TYW1: variants seen among roughly 807,000 people sequenced by gnomAD.
The protein encoded by TYW1 is tRNA-yW synthesizing protein 1 homolog, also known as S-adenosyl-L-methionine-dependent tRNA 4-demethylwyosine synthase TYW1.
In TYW1, 46 loss-of-function variants were observed where a neutral mutation model predicts 96.2. The ratio of observed to expected loss-of-function variants is 0.48; its 90% confidence interval spans 0.38 to 0.61. TYW1 has a LOEUF of 0.61. Ranked by LOEUF, TYW1 falls within the 20% of genes least tolerant of loss-of-function variation. TYW1 has a pLI of 0.00. For missense variants in TYW1, 684 were observed against 909.6 expected, an observed-to-expected ratio of 0.75 and a Z score of 3.19; for synonymous variants, 274 against 323.0, an observed-to-expected ratio of 0.85 and a Z score of 1.63.
intron 13 of TYW1, among the ~76,000 whole-genome samples, chr7:67,128,584 G>A (rs1203075109): frequency 6.6e-6 from 1 of 151,980 alleles, no homozygotes. Flanking sequence ...GTCACTGAAC[G>A]TGATATCCTG....
intron 7 of TYW1, among the ~76,000 whole-genome samples, chr7:67,042,326 C>G (rs1349334827): frequency 6.8e-6 from 1 of 146,010 alleles, no homozygotes; most frequent in Admixed American, 7.0e-5. Flanking sequence ...CTCCCTCCCT[C>G]TGTAGTACTA....
chr7:67,011,544 A>G (rs879358338), intron 4 of TYW1, among the ~76,000 whole-genome samples: 3 of 152,178 alleles, frequency 2.0e-5, no homozygotes, highest in Non-Finnish European at 2.9e-5. Flanking sequence ...TAGAGCTTAA[A>G]CAGTGCTCCT....
chr7:67,058,338 A>G (rs1343379860), intron 9 of TYW1, among the ~76,000 whole-genome samples: 1 of 152,240 alleles, frequency 6.6e-6, no homozygotes, highest in East Asian at 1.9e-4. Flanking sequence ...CAGAAGTTAT[A>G]TAAACATATT....
At chr7:67,179,863 ATATT>A (rs1799781832) in intron 13 of TYW1, among the ~76,000 whole-genome samples, 1 of 75,142 alleles carries the variant, frequency 1.3e-5, no homozygotes. Flanking sequence ...ATATATATAT[ATATT>A]TTTTTTTTTT....
In TYW1 at chr7:67,029,407, G is replaced by GTATA. The variant is rs1453768398; in HGVS notation, c.984+4386_984+4387insATAT. Among the ~76,000 whole-genome samples the GTATA allele has an allele frequency of 7.4e-3, 713 of 96,194 alleles. 6 individuals carry two copies. The highest frequency in any genetic ancestry group is 0.024 in the African/African-American group (603 of 25,576). The allele number at this position is 96,194 out of a possible 152,430, so 63.1% of individuals were successfully genotyped here. On this transcript the variant is annotated intron_variant, in intron 7 of 15. Transcript: ENST00000359626. ...CGTGTGTGTGTGTGTGTGTGTGTGT[G>GTATA]TGTGTGTGTATATATATATATATAT...
chr7:67,177,523 G>A (rs1430088517), intron 13 of TYW1, among the ~76,000 whole-genome samples: 1 of 152,078 alleles, frequency 6.6e-6, no homozygotes, highest in Non-Finnish European at 1.5e-5. Context: ...TTGGAAAAAA[G>A]ACAAATATTC....
Position 67,183,095 on chromosome 7 carries a change from A to G in TYW1, c.1699-31A>G, listed in dbSNP as rs200770817. 35 of 1,575,344 alleles carry G rather than the reference A, an allele frequency of 2.2e-5. No individual in the cohort carries two copies. In the East Asian group the frequency reaches 7.9e-4, roughly 35 times the overall value. On this transcript the variant is annotated intron_variant, in intron 13 of 15. Coordinates refer to ENST00000359626, the MANE Select transcript of TYW1 (RefSeq NM_018264.4). ...GTTAAGAGGTGACGTCCACCAAGATAACAACGAACTTGGCTTTTCCTTTGT... is the reference window on the plus strand; with the variant it reads ...GTTAAGAGGTGACGTCCACCAAGATGACAACGAACTTGGCTTTTCCTTTGT...
intron 10 of TYW1, among the ~76,000 whole-genome samples, chr7:67,073,909 C>T (rs997471465): frequency 6.2e-4 from 94 of 150,908 alleles, no homozygotes; most frequent in Non-Finnish European, 1.3e-3. Context: ...GGTGAAACTC[C>T]GTCTCCACTA....
chr7:67,050,841 G>T (rs1795330767), intron 8 of TYW1, among the ~76,000 whole-genome samples: 1 of 150,480 alleles, frequency 6.6e-6, no homozygotes, highest in Non-Finnish European at 1.5e-5. Context: ...TTTATATTTT[G>T]TTTGCTTACT....
intron 10 of TYW1, among the ~76,000 whole-genome samples, chr7:67,069,496 T>G (rs1280513817): frequency 6.6e-6 from 1 of 152,210 alleles, no homozygotes; most frequent in African/African-American, 2.4e-5. Context: ...ACTAGCATCT[T>G]GGGATGCCAA....
intron 5 of TYW1, among the ~76,000 whole-genome samples, chr7:67,016,602 A>G (rs377638461): frequency 6.6e-6 from 1 of 152,280 alleles, no homozygotes; most frequent in Non-Finnish European, 1.5e-5. Context: ...TTGTGTCACA[A>G]TGTAGATTTT....
intron 6 of TYW1, among the ~76,000 whole-genome samples, chr7:67,020,206 C>T (rs1794198973): frequency 6.6e-6 from 1 of 152,252 alleles, no homozygotes; most frequent in South Asian, 2.1e-4. Context: ...ATAGTGAGAC[C>T]CTGTTTCCAC....
intron 11 of TYW1, chr7:67,089,343 G>A: frequency 1.6e-6 from 2 of 1,260,696 alleles, no homozygotes; most frequent in Non-Finnish European, 2.3e-6. Flanking sequence ...CGAGGTGGCG[G>A]CCCTGTCCAT....
At chr7:67,057,568 A>G (rs1795562097) in intron 9 of TYW1, among the ~76,000 whole-genome samples, 1 of 151,530 alleles carries the variant, frequency 6.6e-6, no homozygotes, top group Non-Finnish European at 1.5e-5. Context: ...ACGGGGTTTC[A>G]CTATGTTGGC....
intron 10 of TYW1, among the ~76,000 whole-genome samples, chr7:67,082,658 G>C (rs1369361663): frequency 1.3e-5 from 2 of 152,046 alleles, no homozygotes; most frequent in African/African-American, 2.4e-5. Context: ...TGAGATGGTT[G>C]GCAGTGGTGG....
chr7:67,001,946 A>T (rs1397470250), intron 3 of TYW1, among the ~76,000 whole-genome samples: 7 of 151,708 alleles, frequency 4.6e-5, no homozygotes, highest in Non-Finnish European at 2.9e-5. Flanking sequence ...AGGCAGAAGA[A>T]TTGCTTGAAT....
At chr7:67,131,282 T>G (rs143042833) in intron 13 of TYW1, among the ~76,000 whole-genome samples, 5,106 of 152,224 alleles carry the variant, frequency 0.034, 256 homozygotes, top group African/African-American at 0.12. Context: ...AACATTACAG[T>G]AGGTAATTTT....
intron 1 of TYW1, among the ~76,000 whole-genome samples, chr7:66,997,205 C>T (rs1395680066): frequency 6.6e-6 from 1 of 152,210 alleles, no homozygotes; most frequent in African/African-American, 2.4e-5. Context: ...CTACCCCTCC[C>T]ACTTTACCTA....
intron 13 of TYW1, among the ~76,000 whole-genome samples, chr7:67,179,861 A>G (rs866524339): frequency 2.7e-5 from 2 of 75,032 alleles, no homozygotes; most frequent in Admixed American, 1.3e-4. Flanking sequence ...ATATATATAT[A>G]TATATTTTTT....
Sources: gnomAD v4.1 joint callset for allele counts (sites outside exome capture counted in the v4.1 genomes callset) on GRCh38, gnomAD v4.1.1 for gene constraint, MANE v1.5 for transcripts, NCBI Gene and HGNC (gene_info 2026-07-23, HGNC 2026-07-21) for gene names.